The following ARSJ variants were observed in gnomAD, a reference collection of about 807,000 sequenced individuals.
The protein encoded by ARSJ is arylsulfatase J.
In ARSJ, 26 loss-of-function variants were observed where a neutral mutation model predicts 35.9. The ratio of observed to expected loss-of-function variants is 0.72; its 90% CI spans 0.53 to 1.00. ARSJ has a LOEUF of 1.00. ARSJ is among the 50% of genes least tolerant of loss of function. The probability of loss-of-function intolerance (pLI) is 0.00; values close to 1 mark genes in which losing one functional copy is unlikely to be tolerated. For missense variants in ARSJ, 667 were observed against 723.6 expected (o/e 0.92, Z 0.90); for synonymous variants, 294 against 267.6 (o/e 1.10, Z -0.96).
In ARSJ at chr4:113,913,807, A is replaced by T. The variant is rs547912523; in HGVS notation, c.399-10132T>A. ...TTCCAAGCAAAAAATGCACTTAGATATGTAGACTAGGGAGTAGCTTAAATA... is the reference window on the plus strand; with the variant it reads ...TTCCAAGCAAAAAATGCACTTAGATTTGTAGACTAGGGAGTAGCTTAAATA... On this transcript the variant is annotated intron_variant, in intron 1 of 1. Transcript: ENST00000315366. Among the ~76,000 whole-genome samples the T allele has an allele frequency of 5.1e-4, 78 of 152,268 alleles. 1 individual carries two copies. The highest frequency in any genetic ancestry group is 1.6e-3 in the African/African-American group (65 of 41,572).
rs372872355 is a variant in ARSJ at position 113,935,885 on chromosome 4, A to G, written c.399-32210T>C. 9.2e-5 allele frequency among the ~76,000 whole-genome samples: 14 copies of G among 152,090 alleles called. No individual in the cohort carries two copies. In the East Asian group the frequency reaches 1.6e-3, roughly 17 times the overall value. On this transcript the variant is annotated intron_variant, in intron 1 of 1. Transcript: ENST00000315366. ...AACTTCCATTAGGTAGCTGCTTCCC[A>G]CACTTCATATATAGGCACTTGAATG...
Position 113,901,989 on chromosome 4 carries a change from A to C in ARSJ, c.*285T>G. ...AAAGCAGTGTTTGGTCAGTTGACTGAAGCACAGCAGTGGAACTCAGGACTC... is the reference window on the plus strand; with the variant it reads ...AAAGCAGTGTTTGGTCAGTTGACTGCAGCACAGCAGTGGAACTCAGGACTC... On this transcript the variant is annotated 3_prime_UTR_variant, in exon 2 of 2. Coordinates refer to ENST00000315366, the MANE Select transcript of ARSJ (RefSeq NM_024590.4). 1.4e-6 allele frequency: 1 copy of C among 694,130 alleles called. No homozygotes were observed. Among genetic ancestry groups the C allele is most frequent in the Non-Finnish European group, 2.2e-6 (1 of 449,648 alleles). The allele number at this position is 694,130 out of a possible 1,614,324, so 43.0% of individuals were successfully genotyped here.
intron 1 of ARSJ, chr4:113,970,526 C>T (rs1727173211): frequency 2.0e-5 from 3 of 152,178 alleles, no homozygotes; most frequent in African/African-American, 7.2e-5. Flanking sequence ...AAACAAATGG[C>T]ACAAGAAGGC....
At position 113,978,424 on chromosome 4, in the gene ARSJ, T is replaced by C. The variant is rs778497542; in HGVS notation, c.398+13A>G. 4 of 1,563,384 alleles carry C rather than the reference T, an allele frequency of 2.6e-6. No homozygotes were observed. Among genetic ancestry groups the C allele is most frequent in the African/African-American group, 1.4e-5 (1 of 72,992 alleles). On this transcript the variant is annotated intron_variant, in intron 1 of 1. Coordinates refer to ENST00000315366, the MANE Select transcript of ARSJ (RefSeq NM_024590.4). Reference sequence around the variant, plus strand: ...TTCTCCAAGGAATAAATATAAGAAGTAGGAACACTTACTTTCCAGTAATAA... The same window carrying C: ...TTCTCCAAGGAATAAATATAAGAAGCAGGAACACTTACTTTCCAGTAATAA...
At chr4:113,962,557 G>C (rs1461054778) in intron 1 of ARSJ, among the ~76,000 whole-genome samples, 2 of 141,828 alleles carry the variant, frequency 1.4e-5, no homozygotes, top group Non-Finnish European at 3.0e-5. Flanking sequence ...TCTTCCTGTT[G>C]CATTTGTAGT....
chr4:113,911,289 G>T (rs1333807965), intron 1 of ARSJ, among the ~76,000 whole-genome samples: 2 of 152,188 alleles, frequency 1.3e-5, no homozygotes, highest in Non-Finnish European at 2.9e-5. Context: ...ACAGGGTGCT[G>T]TATTAGAGGA....
intron 1 of ARSJ, among the ~76,000 whole-genome samples, chr4:113,932,009 A>T (rs1483079737): frequency 2.0e-5 from 3 of 152,124 alleles, no homozygotes; most frequent in African/African-American, 7.2e-5. Flanking sequence ...AAGGAGTGGA[A>T]AAAGATATTC....
chr4:113,908,959 A>G (rs754639828), intron 1 of ARSJ, among the ~76,000 whole-genome samples: 1 of 151,962 alleles, frequency 6.6e-6, no homozygotes, highest in Non-Finnish European at 1.5e-5. Flanking sequence ...TTTCTAAACA[A>G]TCTCTTCTAA....
At chr4:113,939,632 G>A (rs915582703) in intron 1 of ARSJ, among the ~76,000 whole-genome samples, 10 of 152,004 alleles carry the variant, frequency 6.6e-5, no homozygotes, top group African/African-American at 2.4e-4. Flanking sequence ...ATCTCATTGT[G>A]GTTTTGATTT....
At chr4:113,948,904 A>G (rs1725673990) in intron 1 of ARSJ, among the ~76,000 whole-genome samples, 1 of 152,084 alleles carries the variant, frequency 6.6e-6, no homozygotes, top group South Asian at 2.1e-4. Flanking sequence ...AATGTGCTAC[A>G]TCCTATTCAC....
Position 113,902,093 on chromosome 4 carries a change from A to G in ARSJ, c.*181T>C. On this transcript the variant is annotated 3_prime_UTR_variant, in exon 2 of 2. Coordinates refer to ENST00000315366, the MANE Select transcript of ARSJ (RefSeq NM_024590.4). Reference sequence around the variant, plus strand: ...TGGCTTGCAAGAGTAGCACCTTGGCACTGAGCAGGACAGTTTTCAGTGTGG... The same window carrying G: ...TGGCTTGCAAGAGTAGCACCTTGGCGCTGAGCAGGACAGTTTTCAGTGTGG... The G allele has an allele frequency of 6.4e-7, 1 of 1,573,416 alleles. No homozygotes were observed. The highest frequency in any genetic ancestry group is 1.1e-5 in the South Asian group (1 of 87,930).
At chr4:113,921,143 C>T (rs904142817) in intron 1 of ARSJ, among the ~76,000 whole-genome samples, 10 of 149,098 alleles carry the variant, frequency 6.7e-5, no homozygotes, top group East Asian at 3.9e-4. Flanking sequence ...ACTGTGAAAC[C>T]GAAATAAATA....
At chr4:113,936,682 C>T (rs945742717) in intron 1 of ARSJ, among the ~76,000 whole-genome samples, 1 of 151,814 alleles carries the variant, frequency 6.6e-6, no homozygotes, top group South Asian at 2.1e-4. Context: ...TCAGATTCAT[C>T]GTAGGCTTTC....
At chr4:113,904,068 A>G (rs1443066505) in intron 1 of ARSJ, among the ~76,000 whole-genome samples, 1 of 143,770 alleles carries the variant, frequency 7.0e-6, no homozygotes, top group Non-Finnish European at 1.5e-5. Context: ...GATTACAGGC[A>G]TGCACCAACA....
chr4:113,958,421 A>G (rs1301042841), intron 1 of ARSJ, among the ~76,000 whole-genome samples: 1 of 152,076 alleles, frequency 6.6e-6, no homozygotes, highest in Non-Finnish European at 1.5e-5. Context: ...TAAAGACAGC[A>G]TGGTGTCTAA....
chr4:113,963,502 A>G (rs1023310538), intron 1 of ARSJ, among the ~76,000 whole-genome samples: 1 of 152,064 alleles, frequency 6.6e-6, no homozygotes, highest in Non-Finnish European at 1.5e-5. Flanking sequence ...CACTATCATG[A>G]GAACAGCAGC....
At chr4:113,906,923 T>C (rs2099668915) in intron 1 of ARSJ, among the ~76,000 whole-genome samples, 1 of 152,228 alleles carries the variant, frequency 6.6e-6, no homozygotes. Flanking sequence ...ATATGCATTA[T>C]TGCATTTAAG....
intron 1 of ARSJ, among the ~76,000 whole-genome samples, chr4:113,908,345 T>C (rs563609822): frequency 1.6e-3 from 238 of 152,346 alleles, no homozygotes; most frequent in Non-Finnish European, 2.5e-3. Context: ...GGCTCTTAAC[T>C]CTTAATTCAG....
intron 1 of ARSJ, among the ~76,000 whole-genome samples, chr4:113,974,044 G>T (rs180820605): frequency 6.6e-6 from 1 of 152,256 alleles, no homozygotes; most frequent in Admixed American, 6.5e-5. Context: ...AATGGAGACG[G>T]TATGGTCTTT....
Sources: allele counts gnomAD v4.1 joint callset (sites outside exome capture counted in the v4.1 genomes callset), GRCh38; gene constraint gnomAD v4.1.1; transcripts MANE v1.5; gene names NCBI Gene and HGNC (gene_info 2026-07-23, HGNC 2026-07-21).